The following PPP3R1 variants were observed in gnomAD, a reference collection of about 807,000 sequenced individuals.
The protein encoded by PPP3R1 is calcineurin subunit B type 1.
A neutral mutation model predicts 22.6 loss-of-function variants in PPP3R1; 5 were observed. The ratio of observed to expected loss-of-function variants is 0.22; its 90% CI spans 0.12 to 0.46. PPP3R1 has a LOEUF of 0.46. PPP3R1 is among the 20% of genes least tolerant of loss of function. PPP3R1 has a pLI of 0.99. For missense variants in PPP3R1, 61 were observed against 203.2 expected (o/e 0.30, Z 4.25); for synonymous variants, 56 against 65.2 (o/e 0.86, Z 0.68).
chr2:68,252,307 C>T lies in PPP3R1; in HGVS notation c.-180G>A. 5.9e-6 allele frequency: 6 copies of T among 1,025,374 alleles called. No homozygotes were observed. Among genetic ancestry groups the T allele is most frequent in the Non-Finnish European group, 4.7e-6 (4 of 857,460 alleles). 63.5% of individuals were successfully genotyped at this position (1,025,374 alleles called of 1,614,324 possible). A position where few individuals can be genotyped will look rare whatever the true frequency, so the allele number is the denominator to read the frequency against. On this transcript the variant is annotated 5_prime_UTR_variant, in exon 1 of 6. Coordinates refer to ENST00000234310, the MANE Select transcript of PPP3R1 (RefSeq NM_000945.4). ...GGCCCGCGCCGGCCGGGCGATTGGGCACGCGAGGGAGCGGGCAGGGTAGGG... is the reference window on the plus strand; with the variant it reads ...GGCCCGCGCCGGCCGGGCGATTGGGTACGCGAGGGAGCGGGCAGGGTAGGG...
chr2:68,243,600 A>G (rs1670173179), intron 1 of PPP3R1, among the ~76,000 whole-genome samples: 1 of 152,222 alleles, frequency 6.6e-6, no homozygotes, highest in Non-Finnish European at 1.5e-5. Context: ...AGTACAAAAA[A>G]AAGTTCTAGT....
At chr2:68,230,377 T>C (rs907840335) in intron 1 of PPP3R1, among the ~76,000 whole-genome samples, 13 of 152,240 alleles carry the variant, frequency 8.5e-5, no homozygotes, top group Admixed American at 8.5e-4. Flanking sequence ...TGCTTTTGCA[T>C]GTATCTGTAG....
intron 5 of PPP3R1, among the ~76,000 whole-genome samples, chr2:68,182,998 C>G (rs1041138584): frequency 6.6e-5 from 10 of 152,154 alleles, no homozygotes; most frequent in Non-Finnish European, 1.5e-4. Context: ...CTTTTTGTCT[C>G]CAGGCCTGTC....
At chr2:68,224,384 G>C (rs1269290086) in intron 1 of PPP3R1, among the ~76,000 whole-genome samples, 2 of 152,160 alleles carry the variant, frequency 1.3e-5, no homozygotes, top group African/African-American at 4.8e-5. Flanking sequence ...TGAAGGGCTG[G>C]GTGCGGTAGC....
At chr2:68,219,137 TAA>T (rs1397185304) in intron 1 of PPP3R1, among the ~76,000 whole-genome samples, 1 of 152,150 alleles carries the variant, frequency 6.6e-6, no homozygotes, top group Non-Finnish European at 1.5e-5. Flanking sequence ...GAAAGCTAAG[TAA>T]AGTCCTTTAA....
chr2:68,187,349 C>G, intron 3 of PPP3R1, 35 bp from the exon 4 acceptor site: 1 of 1,553,466 alleles, frequency 6.4e-7, no homozygotes, highest in Non-Finnish European at 8.8e-7. Flanking sequence ...CAAATCAGAA[C>G]TTCCAATTTT....
chr2:68,198,207 C>A (rs1356598325), intron 2 of PPP3R1, among the ~76,000 whole-genome samples: 1 of 139,292 alleles, frequency 7.2e-6, no homozygotes, highest in Non-Finnish European at 1.5e-5. Flanking sequence ...CATATATGTG[C>A]ATACATATAT....
intron 1 of PPP3R1, among the ~76,000 whole-genome samples, chr2:68,232,828 A>C (rs1669944874): frequency 6.6e-6 from 1 of 152,162 alleles, no homozygotes. Flanking sequence ...GCTGGTCTCC[A>C]ACACTTGATC....
chr2:68,186,281 G>A (rs546732873), intron 5 of PPP3R1, among the ~76,000 whole-genome samples, 187 bp downstream of exon 5: 66 of 141,252 alleles, frequency 4.7e-4, no homozygotes, highest in Non-Finnish European at 8.8e-4. Context: ...AATAAGTAAA[G>A]TAGTATCCTT....
At chr2:68,217,781 T>G (rs925901445) in intron 1 of PPP3R1, among the ~76,000 whole-genome samples, 1 of 152,056 alleles carries the variant, frequency 6.6e-6, no homozygotes. Context: ...CTAATTTATA[T>G]ATAAAAAAAG....
At chr2:68,220,308 T>C (rs1352491253) in intron 1 of PPP3R1, among the ~76,000 whole-genome samples, 2 of 152,186 alleles carry the variant, frequency 1.3e-5, no homozygotes, top group African/African-American at 4.8e-5. Context: ...GAGAGAACTT[T>C]GGAGATCTGC....
intron 2 of PPP3R1, among the ~76,000 whole-genome samples, chr2:68,212,037 G>T (rs774636154): frequency 1.3e-5 from 2 of 152,164 alleles, no homozygotes; most frequent in African/African-American, 4.8e-5. Context: ...CATGAATCAC[G>T]AATGTAATTA....
At chr2:68,199,948 T>C (rs1045474310) in intron 2 of PPP3R1, among the ~76,000 whole-genome samples, 2 of 152,214 alleles carry the variant, frequency 1.3e-5, no homozygotes, top group Non-Finnish European at 1.5e-5. Context: ...TGCTAGCTTC[T>C]ATTTTCTAAG....
chr2:68,195,176 C>CT (rs1304851851), intron 2 of PPP3R1, among the ~76,000 whole-genome samples: 1 of 152,140 alleles, frequency 6.6e-6, no homozygotes, highest in Non-Finnish European at 1.5e-5. Context: ...ATCTTTGTAA[C>CT]TTTTTTGTAA....
intron 1 of PPP3R1, among the ~76,000 whole-genome samples, chr2:68,244,543 C>A (rs778231026): frequency 1.3e-5 from 2 of 152,176 alleles, no homozygotes; most frequent in Non-Finnish European, 2.9e-5. Flanking sequence ...TCTCTTCACT[C>A]TGATTTTTTC....
chr2:68,180,960 G>C lies in PPP3R1; in HGVS notation c.*3C>G. ...AGTGTTGGGTGGTACTCTCTGATAA[G>C]AGTCACACATCTACCACCATCTTTT... On this transcript the variant is annotated 3_prime_UTR_variant, in exon 6 of 6. Transcript: ENST00000234310. 1.2e-6 allele frequency: 2 copies of C among 1,612,118 alleles called. No individual in the cohort carries two copies. Among genetic ancestry groups the C allele is most frequent in the Non-Finnish European group, 1.7e-6 (2 of 1,178,272 alleles).
At chr2:68,232,224 T>TAC (rs1669927569) in intron 1 of PPP3R1, among the ~76,000 whole-genome samples, 1 of 29,502 alleles carries the variant, frequency 3.4e-5, no homozygotes, top group Non-Finnish European at 6.2e-5. Flanking sequence ...TATGTATATA[T>TAC]GTGTGTGTGT....
At chr2:68,247,556 C>G (rs944659027) in intron 1 of PPP3R1, among the ~76,000 whole-genome samples, 6 of 152,170 alleles carry the variant, frequency 3.9e-5, no homozygotes, top group Admixed American at 3.3e-4. Context: ...CATAGCATCC[C>G]AAGCACTAAT....
intron 2 of PPP3R1, among the ~76,000 whole-genome samples, chr2:68,213,639 G>C (rs1052533366): frequency 7.2e-5 from 11 of 152,196 alleles, no homozygotes; most frequent in African/African-American, 2.4e-4. Context: ...GAAAATGGCA[G>C]AGACAGACTT....
Sources: allele counts gnomAD v4.1 joint callset (sites outside exome capture counted in the v4.1 genomes callset), GRCh38; gene constraint gnomAD v4.1.1; transcripts MANE v1.5; gene names NCBI Gene and HGNC (gene_info 2026-07-23, HGNC 2026-07-21).